The following XYLT1 variants were observed in gnomAD, a reference collection of about 807,000 sequenced individuals.
XYLT1 encodes xylosyltransferase 1, also known as beta-D-xylosyltransferase 1.
A neutral mutation model predicts 91.3 loss-of-function variants in XYLT1; 36 were observed. The ratio of observed to expected loss-of-function variants is 0.39; its 90% CI spans 0.30 to 0.52. The LOEUF is 0.52. XYLT1 is among the 20% of genes least tolerant of loss of function. The pLI is 0.68. For missense variants in XYLT1, 1,242 were observed against 1,284.5 expected (o/e 0.97, Z 0.51); for synonymous variants, 588 against 532.0 (o/e 1.11, Z -1.45).
chr16:17,245,208 T>C lies in XYLT1; in HGVS notation c.913+13780A>G, dbSNP rs953563219. ...AGCCTTGACTTGAGGAATTAGATTT[T>C]AACAAGCATCCTTTCTGCATTATTT... On this transcript the variant is annotated intron_variant, in intron 3 of 11. Transcript: ENST00000261381. 1.1e-4 allele frequency among the ~76,000 whole-genome samples: 16 copies of C among 152,230 alleles called. No individual in the cohort carries two copies. In the East Asian group the frequency reaches 3.1e-3, roughly 29 times the overall value.
chr16:17,282,546 G>C (rs2034073620), intron 2 of XYLT1, among the ~76,000 whole-genome samples: 1 of 152,216 alleles, frequency 6.6e-6, no homozygotes, highest in African/African-American at 2.4e-5. Context: ...GACAAGGCTG[G>C]CTTGCCCTGA....
At chr16:17,449,572 G>A (rs534906355) in intron 1 of XYLT1, among the ~76,000 whole-genome samples, 1 of 152,350 alleles carries the variant, frequency 6.6e-6, no homozygotes, top group South Asian at 2.1e-4. Flanking sequence ...TCCCCTCTCT[G>A]TGCCTCACTT....
At chr16:17,116,369 C>G (rs118081066) in intron 11 of XYLT1, among the ~76,000 whole-genome samples, 9 of 152,288 alleles carry the variant, frequency 5.9e-5, no homozygotes, top group Admixed American at 1.3e-4. Flanking sequence ...CTTTGACATA[C>G]GACTCCTGAA....
chr16:17,295,719 A>T (rs1200657182), intron 2 of XYLT1, among the ~76,000 whole-genome samples: 2 of 152,122 alleles, frequency 1.3e-5, no homozygotes, highest in Non-Finnish European at 2.9e-5. Flanking sequence ...ATGTCTGGAG[A>T]CATTTTTGTT....
At chr16:17,288,532 C>T (rs1019290170) in intron 2 of XYLT1, among the ~76,000 whole-genome samples, 8 of 152,242 alleles carry the variant, frequency 5.3e-5, no homozygotes, top group African/African-American at 1.9e-4. Flanking sequence ...TATGCTTGCC[C>T]TTGGCAATGT....
intron 1 of XYLT1, among the ~76,000 whole-genome samples, chr16:17,358,624 C>T (rs1288532471): frequency 6.6e-6 from 1 of 152,038 alleles, no homozygotes; most frequent in Non-Finnish European, 1.5e-5. Flanking sequence ...GAAGGAAATG[C>T]CCACATGGAG....
chr16:17,160,831 G>A (rs1248957654), intron 5 of XYLT1, among the ~76,000 whole-genome samples: 2 of 152,110 alleles, frequency 1.3e-5, no homozygotes, highest in East Asian at 3.9e-4. Flanking sequence ...GGGAGAGGTG[G>A]AAACTAAATC....
rs181474320 is a variant in XYLT1, at chr16:17,166,708, G to A, written c.1290-7799C>T. On this transcript the variant is annotated intron_variant, in intron 5 of 11. Coordinates refer to ENST00000261381, the MANE Select transcript of XYLT1 (RefSeq NM_022166.4). ...TTTTTTTTTTGGTATTTTTAGTAGA[G>A]ATGGGGTTTCGTCATGTTGGCCAGG... is the stretch of plus-strand genomic sequence containing the variant. Among the ~76,000 whole-genome samples, 441 of 150,322 alleles carry A rather than the reference G, an allele frequency of 2.9e-3. 1 individual carries two copies. Among genetic ancestry groups the A allele is most frequent in the Non-Finnish European group, 5.2e-3 (351 of 67,724 alleles).
intron 1 of XYLT1, among the ~76,000 whole-genome samples, chr16:17,368,915 C>T (rs1011544188): frequency 4.6e-5 from 7 of 151,866 alleles, no homozygotes; most frequent in African/African-American, 1.7e-4. Context: ...TAAGTATTTC[C>T]TTGTTCCTGG....
At chr16:17,331,706 G>A (rs151272294) in intron 2 of XYLT1, among the ~76,000 whole-genome samples, 1 of 152,238 alleles carries the variant, frequency 6.6e-6, no homozygotes, top group East Asian at 1.9e-4. Flanking sequence ...TTGACCAGGT[G>A]AATGACTTAT....
At chr16:17,316,036 G>A (rs766017712) in intron 2 of XYLT1, among the ~76,000 whole-genome samples, 11 of 152,150 alleles carry the variant, frequency 7.2e-5, no homozygotes, top group Non-Finnish European at 1.5e-4. Flanking sequence ...CAACAGCAAA[G>A]GGGCACTAGG....
At chr16:17,407,138 A>G (rs2036043883) in intron 1 of XYLT1, among the ~76,000 whole-genome samples, 1 of 151,920 alleles carries the variant, frequency 6.6e-6, no homozygotes, top group Non-Finnish European at 1.5e-5. Flanking sequence ...AGTAGCTGGG[A>G]TTATAGACCC....
chr16:17,139,894 C>T (rs1023422354), intron 7 of XYLT1, among the ~76,000 whole-genome samples: 1 of 152,204 alleles, frequency 6.6e-6, no homozygotes. Context: ...GGGCAGTCAG[C>T]CCTCCCCGGA....
rs1329991775 is a variant in XYLT1 at position 17,108,844 on chromosome 16, C to T, written c.2731G>A (p.Gly911Ser). Residue 911 changes from glycine (G) to serine (S), a missense_variant, in exon 12 of 12, where the codon GGC becomes AGC. This residue lies in a region of XYLT1 where 511 missense variants were observed against 497.0 expected (regional missense o/e 1.03). Transcript: ENST00000261381. ...ALEGWLDSLV[G>S]GMWTAMDICA... ...ATGTCCATGGCAGTCCACATCCCGC[C>T]CACCAACGAGTCCAGCCATCCCTCC... 4 of 1,612,908 alleles carry T rather than the reference C, an allele frequency of 2.5e-6. No homozygotes were observed. The highest frequency in any genetic ancestry group is 3.3e-5 in the Admixed American group (2 of 59,976).
At chr16:17,163,768 CTA>C (rs1360073192) in intron 5 of XYLT1, among the ~76,000 whole-genome samples, 2 of 152,066 alleles carry the variant, frequency 1.3e-5, no homozygotes, top group African/African-American at 2.4e-5. Flanking sequence ...ACATGAAAGA[CTA>C]TGGGGAGGCC....
At chr16:17,186,199 G>A (rs1196422151) in intron 5 of XYLT1, among the ~76,000 whole-genome samples, 1 of 152,124 alleles carries the variant, frequency 6.6e-6, no homozygotes, top group Non-Finnish European at 1.5e-5. Context: ...CACCTCCTGG[G>A]TTCAAGCGAT....
intron 2 of XYLT1, among the ~76,000 whole-genome samples, chr16:17,268,147 C>T (rs145657880): frequency 9.1e-4 from 139 of 152,216 alleles, no homozygotes; most frequent in African/African-American, 3.0e-3. Flanking sequence ...CTCCACTGCA[C>T]GTCATACTGC....
At chr16:17,264,322 G>A (rs964931660) in intron 2 of XYLT1, among the ~76,000 whole-genome samples, 8 of 152,176 alleles carry the variant, frequency 5.3e-5, no homozygotes, top group South Asian at 4.1e-4. Flanking sequence ...GAATAAACAC[G>A]TGTACTATCT....
chr16:17,111,469 A>C (rs1163663616), intron 11 of XYLT1, among the ~76,000 whole-genome samples: 1 of 152,212 alleles, frequency 6.6e-6, no homozygotes, highest in African/African-American at 2.4e-5. Context: ...GAGAGCTGAG[A>C]TAGCTAGGAT....
Sources: allele counts gnomAD v4.1 joint callset (sites outside exome capture counted in the v4.1 genomes callset), GRCh38; gene constraint gnomAD v4.1.1; regional missense constraint gnomAD v4.1.1; transcripts MANE v1.5; gene names NCBI Gene and HGNC (gene_info 2026-07-23, HGNC 2026-07-21).